DGKI: variants seen among roughly 807,000 people sequenced by gnomAD.
DGKI encodes DAG kinase iota.
A neutral mutation model predicts 147.5 loss-of-function variants in DGKI; 55 were observed. The observed-to-expected ratio is 0.37, with a 90% confidence interval of 0.30 to 0.47. The LOEUF (loss-of-function observed/expected upper bound fraction) is 0.47, where lower values mean the gene tolerates loss of function less well. Among genes scored for constraint, DGKI ranks in the 20% least tolerant of loss-of-function variants. The pLI, the probability that DGKI is intolerant of heterozygous loss-of-function variation, is 1.00. For synonymous variants in DGKI, 469 were observed against 477.1 expected (o/e 0.98, Z 0.22); for missense variants, 1,007 against 1,323.8 (o/e 0.76, Z 3.71).
intron 9 of DGKI, 106 bp downstream of exon 9, chr7:137,609,429 A>G (rs957812507): frequency 1.0e-5 from 8 of 778,260 alleles, no homozygotes; most frequent in African/African-American, 8.7e-5. Context: ...AGAAAGCAGT[A>G]GTAGAAGATA....
chr7:137,427,778 C>T (rs1454131680), intron 28 of DGKI, among the ~76,000 whole-genome samples: 12 of 152,284 alleles, frequency 7.9e-5, no homozygotes, highest in Non-Finnish European at 1.0e-4. Flanking sequence ...AACACCTCTA[C>T]GCAAATCAAC....
At chr7:137,807,947 G>A (rs953503781) in intron 1 of DGKI, among the ~76,000 whole-genome samples, 6 of 152,152 alleles carry the variant, frequency 3.9e-5, no homozygotes, top group Admixed American at 3.9e-4. Context: ...ATAGGTGTGT[G>A]TATGACTGTG....
intron 1 of DGKI, among the ~76,000 whole-genome samples, chr7:137,835,667 A>G (rs1798356428): frequency 6.6e-6 from 1 of 152,194 alleles, no homozygotes; most frequent in African/African-American, 2.4e-5. Flanking sequence ...AGGAAGGGCA[A>G]TGACAATGGC....
At chr7:137,469,665 G>A in intron 23 of DGKI, 46 bp from the exon 24 acceptor site, 2 of 1,563,296 alleles carry the variant, frequency 1.3e-6, no homozygotes, top group Non-Finnish European at 1.8e-6. Context: ...TCAATAACCT[G>A]ATGGGCTTCC....
chr7:137,621,992 G>C (rs575596745), intron 7 of DGKI, among the ~76,000 whole-genome samples: 1 of 152,290 alleles, frequency 6.6e-6, no homozygotes, highest in African/African-American at 2.4e-5. Context: ...CTGGTACAGA[G>C]TTTCATTCAA....
chr7:137,766,541 T>G (rs547255979), intron 1 of DGKI, among the ~76,000 whole-genome samples: 20 of 152,152 alleles, frequency 1.3e-4, no homozygotes, highest in African/African-American at 4.3e-4. Flanking sequence ...GCAAGCCAAT[T>G]TGCACGGAGC....
At chr7:137,584,949 T>C (rs1819333996) in intron 14 of DGKI, among the ~76,000 whole-genome samples, 2 of 152,188 alleles carry the variant, frequency 1.3e-5, no homozygotes, top group Non-Finnish European at 2.9e-5. Flanking sequence ...AATACATGCC[T>C]TTCTAGTGCA....
chr7:137,627,252 G>C (rs952116866), intron 6 of DGKI, among the ~76,000 whole-genome samples: 2 of 152,074 alleles, frequency 1.3e-5, no homozygotes, highest in African/African-American at 4.8e-5. Flanking sequence ...GGCTTGCCTT[G>C]CCTCGTACCT....
chr7:137,686,803 G>A (rs1823434400), intron 2 of DGKI, among the ~76,000 whole-genome samples: 1 of 152,088 alleles, frequency 6.6e-6, no homozygotes, highest in Admixed American at 6.5e-5. Flanking sequence ...AAAGCCTTTT[G>A]CCAAAGTATA....
intron 5 of DGKI, among the ~76,000 whole-genome samples, chr7:137,650,652 A>T (rs1204056026): frequency 6.6e-6 from 1 of 152,218 alleles, no homozygotes; most frequent in Non-Finnish European, 1.5e-5. Context: ...ATGAGAATAC[A>T]ATGAGAAGGT....
intron 1 of DGKI, among the ~76,000 whole-genome samples, chr7:137,820,868 G>T (rs1797876016): frequency 1.3e-5 from 2 of 152,162 alleles, no homozygotes; most frequent in South Asian, 4.1e-4. Flanking sequence ...GCCGGCATCA[G>T]GCCTTGCTAA....
intron 23 of DGKI, among the ~76,000 whole-genome samples, chr7:137,470,872 C>T (rs1814854587): frequency 6.6e-6 from 1 of 152,126 alleles, no homozygotes; most frequent in Non-Finnish European, 1.5e-5. Flanking sequence ...AGCTGCCCTT[C>T]CAAGAGATTG....
chr7:137,395,780 C>A, intron 31 of DGKI, 83 bp from the exon 32 acceptor site: 1 of 1,210,210 alleles, frequency 8.3e-7, no homozygotes, highest in Non-Finnish European at 1.2e-6. Context: ...ATGTAGGGTG[C>A]TCCTCAGCCT....
intron 12 of DGKI, among the ~76,000 whole-genome samples, chr7:137,592,326 T>A (rs1819645123): frequency 6.6e-6 from 1 of 152,234 alleles, no homozygotes; most frequent in Non-Finnish European, 1.5e-5. Context: ...TTATCCTGAT[T>A]GGGCCTAATG....
At chr7:137,457,865 C>T (rs1396401645) in intron 27 of DGKI, among the ~76,000 whole-genome samples, 2 of 151,158 alleles carry the variant, frequency 1.3e-5, no homozygotes, top group Admixed American at 1.3e-4. Flanking sequence ...TTCTTTGAGG[C>T]TGACATTTTC....
chr7:137,700,246 A>T (rs1349620009), intron 1 of DGKI, among the ~76,000 whole-genome samples: 2 of 152,194 alleles, frequency 1.3e-5, no homozygotes, highest in Non-Finnish European at 2.9e-5. Context: ...AAGATACTTT[A>T]GCAAAATAAT....
chr7:137,816,232 G>C (rs1009213466), intron 1 of DGKI, among the ~76,000 whole-genome samples: 3 of 152,142 alleles, frequency 2.0e-5, no homozygotes, highest in Admixed American at 6.5e-5. Flanking sequence ...GCCACAAAAA[G>C]CATGTGTGAA....
Position 137,465,918 on chromosome 7 carries a change from G to T in DGKI, c.2602C>A (p.Gln868Lys), listed in dbSNP as rs1814637061. Residue 868 changes from glutamine (Q) to lysine (K), a missense_variant, in exon 26 of 33, where the codon CAA (glutamine) becomes AAA (lysine). By Grantham distance (53) the Gln-to-Lys change is moderately conservative. Around this residue, in one of 5 missense-constraint regions of DGKI, gnomAD observed 385 missense variants for 445.2 expected, o/e 0.86. Coordinates refer to ENST00000614521, the MANE Select transcript of DGKI (RefSeq NM_001321708.2). ...PPGMPDLVVE[Q>K]ASGISDWWNP... Reference sequence around the variant, plus strand: ...GAGAAGCACACTCACCCCGAGGCTTGTTCCACCACCAGGTCAGGCATGCCC... The same window carrying T: ...GAGAAGCACACTCACCCCGAGGCTTTTTCCACCACCAGGTCAGGCATGCCC... 1.2e-6 allele frequency: 2 copies of T among 1,613,848 alleles called. No individual in the cohort carries two copies. Among genetic ancestry groups the T allele is most frequent in the Admixed American group, 1.7e-5 (1 of 60,002 alleles).
At chr7:137,583,299 C>A (rs1819270431) in intron 14 of DGKI, among the ~76,000 whole-genome samples, 1 of 152,250 alleles carries the variant, frequency 6.6e-6, no homozygotes, top group South Asian at 2.1e-4. Flanking sequence ...TCATGTCTTA[C>A]TCTTCAGCCT....
Sources: allele counts gnomAD v4.1 joint callset (sites outside exome capture counted in the v4.1 genomes callset), GRCh38; gene constraint gnomAD v4.1.1; regional missense constraint gnomAD v4.1.1; transcripts MANE v1.5; gene names NCBI Gene and HGNC (gene_info 2026-07-23, HGNC 2026-07-21).